Variants in ARHGAP24 observed in about 807,000 individuals in gnomAD.
ARHGAP24 encodes Rho GTPase activating protein 24, also known as rho GTPase-activating protein 24.
Under a neutral mutation model 76.4 loss-of-function variants are expected in ARHGAP24, and 50 were observed. The observed-to-expected ratio is 0.65, with a 90% CI of 0.52 to 0.83. The LOEUF is 0.83. ARHGAP24 is among the 40% of genes least tolerant of loss of function. The pLI is 0.00. For missense variants in ARHGAP24, 930 were observed against 914.2 expected, an observed-to-expected ratio of 1.02 and a Z score of -0.22; for synonymous variants, 345 against 323.3, an observed-to-expected ratio of 1.07 and a Z score of -0.72.
intron 3 of ARHGAP24, among the ~76,000 whole-genome samples, chr4:85,804,663 C>T (rs976464322): frequency 3.3e-5 from 5 of 152,042 alleles, no homozygotes; most frequent in African/African-American, 1.2e-4. Context: ...TTCTGAGAGA[C>T]CTCAATCAAT....
chr4:85,517,015 G>A (rs544122891), intron 1 of ARHGAP24, among the ~76,000 whole-genome samples: 1 of 152,032 alleles, frequency 6.6e-6, no homozygotes, highest in African/African-American at 2.4e-5. Context: ...CCCAACCTCA[G>A]TTTTCCATCT....
chr4:85,707,131 G>A (rs1724344154), intron 2 of ARHGAP24, among the ~76,000 whole-genome samples: 1 of 152,114 alleles, frequency 6.6e-6, no homozygotes, highest in Admixed American at 6.6e-5. Context: ...TGCCCTTGCT[G>A]TTACCTCCTG....
At chr4:85,612,969 G>A (rs1720446443) in intron 2 of ARHGAP24, among the ~76,000 whole-genome samples, 2 of 151,470 alleles carry the variant, frequency 1.3e-5, no homozygotes, top group South Asian at 4.2e-4. Context: ...GCTAATTTTT[G>A]TATTTTTTTG....
intron 3 of ARHGAP24, among the ~76,000 whole-genome samples, chr4:85,732,422 C>T (rs1578180803): frequency 1.3e-5 from 2 of 152,318 alleles, no homozygotes; most frequent in South Asian, 4.1e-4. Flanking sequence ...ACTGGCATAT[C>T]ACTGAGACCT....
At chr4:85,622,981 T>G (rs1292661784) in intron 2 of ARHGAP24, among the ~76,000 whole-genome samples, 2 of 152,124 alleles carry the variant, frequency 1.3e-5, no homozygotes, top group Non-Finnish European at 2.9e-5. Context: ...GAGTTCATTG[T>G]AGATTCTGGA....
rs914694452 is a variant in ARHGAP24, at chr4:85,818,126, G to A, written c.268+96154G>A. Among the ~76,000 whole-genome samples the A allele has an allele frequency of 5.9e-5, 9 of 152,242 alleles. No individual in the cohort carries two copies. The South Asian group carries it at 6.2e-4, about 11-fold the overall frequency. ...TGTATGGCAGAGAAGGACAAAAAGG[G>A]AATGACAAAAAATAACCAAGTAGAA... On this transcript the variant is annotated intron_variant, in intron 3 of 9. Coordinates refer to ENST00000395184, the MANE Select transcript of ARHGAP24 (RefSeq NM_001025616.3).
intron 1 of ARHGAP24, among the ~76,000 whole-genome samples, chr4:85,541,031 A>G (rs963521745): frequency 6.6e-6 from 1 of 151,924 alleles, no homozygotes; most frequent in Non-Finnish European, 1.5e-5. Flanking sequence ...CTTGCCTGTA[A>G]CACAATCCGG....
intron 3 of ARHGAP24, among the ~76,000 whole-genome samples, chr4:85,905,587 T>A (rs1734730211): frequency 6.6e-6 from 1 of 152,206 alleles, no homozygotes; most frequent in South Asian, 2.1e-4. Flanking sequence ...AATAAAGAAC[T>A]ACGCTTCCAC....
At chr4:85,772,422 A>AT (rs1288694424) in intron 3 of ARHGAP24, among the ~76,000 whole-genome samples, 1 of 152,130 alleles carries the variant, frequency 6.6e-6, no homozygotes, top group Non-Finnish European at 1.5e-5. Context: ...AAATCTCGGC[A>AT]TTTTCTCTTG....
Position 85,962,026 on chromosome 4 carries a change from A to G in ARHGAP24, c.600-10010A>G, listed in dbSNP as rs180821212. ...ATACAATGGTGAAGTAACTAAGTAC[A>G]GCCAAAACTTCTCTATTTTTGCTAT... On this transcript the variant is annotated intron_variant, in intron 5 of 9. Transcript: ENST00000395184. Among the ~76,000 whole-genome samples the G allele has an allele frequency of 4.1e-4, 63 of 152,258 alleles. 1 individual carries two copies. The highest frequency in any genetic ancestry group is 1.5e-3 in the African/African-American group (63 of 41,568).
chr4:85,977,825 C>A, intron 8 of ARHGAP24, 134 bp downstream of exon 8: 5 of 1,084,234 alleles, frequency 4.6e-6, no homozygotes, highest in East Asian at 2.8e-5. Flanking sequence ...AACTGAAGTT[C>A]TTTAAATGTA....
At chr4:85,881,976 A>G (rs1733279536) in intron 3 of ARHGAP24, among the ~76,000 whole-genome samples, 1 of 152,218 alleles carries the variant, frequency 6.6e-6, no homozygotes, top group Non-Finnish European at 1.5e-5. Flanking sequence ...TATATTCCGT[A>G]GTCATATTGA....
chr4:85,581,581 A>T (rs1418159546), intron 2 of ARHGAP24, among the ~76,000 whole-genome samples: 2 of 152,114 alleles, frequency 1.3e-5, no homozygotes, highest in African/African-American at 4.8e-5. Context: ...GGGTGCATTG[A>T]TTATTTGAAT....
intron 2 of ARHGAP24, among the ~76,000 whole-genome samples, chr4:85,656,415 T>TAGAC (rs111438368): frequency 0.41 from 62,744 of 151,772 alleles, 14,928 homozygotes; most frequent in East Asian, 0.84. Flanking sequence ...TCTAATATGA[T>TAGAC]AGGACTTTAG....
intron 2 of ARHGAP24, among the ~76,000 whole-genome samples, chr4:85,699,603 A>ATT (rs568487698): frequency 1.4e-5 from 2 of 146,696 alleles, no homozygotes; most frequent in Non-Finnish European, 3.0e-5. Context: ...CCCTGTCTCA[A>ATT]TTTTTTTTTT....
intron 3 of ARHGAP24, among the ~76,000 whole-genome samples, chr4:85,828,977 C>T (rs1328072403): frequency 6.6e-6 from 1 of 151,946 alleles, no homozygotes; most frequent in Non-Finnish European, 1.5e-5. Context: ...GAAGATAATA[C>T]ATTGAAATGA....
At chr4:85,618,760 G>A (rs1468532655) in intron 2 of ARHGAP24, among the ~76,000 whole-genome samples, 2 of 151,860 alleles carry the variant, frequency 1.3e-5, no homozygotes, top group African/African-American at 4.8e-5. Context: ...ATATTTGTTG[G>A]CCATTTTGTT....
intron 3 of ARHGAP24, among the ~76,000 whole-genome samples, chr4:85,725,077 A>T (rs1320673725): frequency 6.6e-6 from 1 of 152,158 alleles, no homozygotes; most frequent in Non-Finnish European, 1.5e-5. Flanking sequence ...GAAATGTTTT[A>T]AAAAAATAAA....
At chr4:85,588,062 CT>C (rs1578058675) in intron 2 of ARHGAP24, among the ~76,000 whole-genome samples, 1 of 152,170 alleles carries the variant, frequency 6.6e-6, no homozygotes, top group East Asian at 1.9e-4. Context: ...ATATGCTGGG[CT>C]GAGGGGATAA....
Sources: gnomAD v4.1 joint callset for allele counts (sites outside exome capture counted in the v4.1 genomes callset) on GRCh38, gnomAD v4.1.1 for gene constraint, MANE v1.5 for transcripts, NCBI Gene and HGNC (gene_info 2026-07-23, HGNC 2026-07-21) for gene names.